The following MSRA variants were observed in gnomAD, a reference collection of about 807,000 sequenced individuals.
MSRA encodes methionine sulfoxide reductase A, also known as mitochondrial peptide methionine sulfoxide reductase.
MSRA carries 54 observed loss-of-function variants against 31.3 expected under a neutral mutation model. The ratio of observed to expected loss-of-function variants is 1.73; its 90% CI spans 1.39 to 2.17. The LOEUF (loss-of-function observed/expected upper bound fraction) is 2.17. Ranked by LOEUF, MSRA falls within the 30% of genes most tolerant of loss-of-function variation. MSRA has a pLI of 0.00. For missense variants in MSRA, 507 were observed against 300.9 expected, an observed-to-expected ratio of 1.69 and a Z score of -5.07; for synonymous variants, 169 against 116.5, an observed-to-expected ratio of 1.45 and a Z score of -2.90.
At chr8:10,105,173 C>T (rs1308618782) in intron 1 of MSRA, among the ~76,000 whole-genome samples, 1 of 152,092 alleles carries the variant, frequency 6.6e-6, no homozygotes, top group African/African-American at 2.4e-5. Context: ...TTGTTATGCT[C>T]ATCGAAGATA....
intron 1 of MSRA, among the ~76,000 whole-genome samples, chr8:10,150,521 A>G (rs920122529): frequency 3.3e-5 from 5 of 152,186 alleles, no homozygotes; most frequent in African/African-American, 1.2e-4. Context: ...CCATGTAATC[A>G]ACGGCTTACT....
chr8:10,161,873 C>T (rs982931220), intron 1 of MSRA, among the ~76,000 whole-genome samples: 1 of 152,142 alleles, frequency 6.6e-6, no homozygotes, highest in African/African-American at 2.4e-5. Context: ...CCATCTCTCC[C>T]CGCCTCTGAC....
intron 2 of MSRA, among the ~76,000 whole-genome samples, chr8:10,212,721 G>A (rs1461191051): frequency 6.6e-6 from 1 of 152,140 alleles, no homozygotes; most frequent in East Asian, 1.9e-4. Flanking sequence ...CATTACTTGA[G>A]ATATTCAGAT....
intron 1 of MSRA, among the ~76,000 whole-genome samples, chr8:10,131,523 G>A (rs1043156081): frequency 2.4e-4 from 37 of 152,220 alleles, no homozygotes; most frequent in Admixed American, 3.9e-4. Flanking sequence ...TAGCAGGTTC[G>A]TAGGTGTACA....
At position 10,392,890 on chromosome 8, in the gene MSRA, C is replaced by CAAAAAAAAA. The variant is rs869085304; in HGVS notation, c.544-35244_544-35236dup. Among the ~76,000 whole-genome samples, 5 of 113,282 alleles carry CAAAAAAAAA rather than the reference C, an allele frequency of 4.4e-5. 1 individual carries two copies. The highest frequency in any genetic ancestry group is 3.1e-4 in the South Asian group (1 of 3,204). 74.3% of individuals were successfully genotyped at this position (113,282 alleles called of 152,430 possible). A position where few individuals can be genotyped will look rare whatever the true frequency, so the allele number is the denominator to read the frequency against. On this transcript the variant is annotated intron_variant, in intron 5 of 5. Coordinates refer to ENST00000317173, the MANE Select transcript of MSRA (RefSeq NM_012331.5). Reference sequence around the variant, plus strand: ...TAAAACCCCGTCTCTACTAAAAATGCAAAAAAAAAAAAAAAAAAAAAATTA... The same window carrying CAAAAAAAAA: ...TAAAACCCCGTCTCTACTAAAAATGCAAAAAAAAAAAAAAAAAAAAAAAAAAAAAAATTA...
At chr8:10,077,895 C>G (rs1414155391) in intron 1 of MSRA, among the ~76,000 whole-genome samples, 2 of 152,062 alleles carry the variant, frequency 1.3e-5, no homozygotes, top group African/African-American at 4.8e-5. Context: ...TACGTTGTTG[C>G]TACAGTATTT....
Position 10,348,526 on chromosome 8 carries a change from T to C in MSRA, c.543+28537T>C, listed in dbSNP as rs112496008. ...CCGGGACTACAAGCGTGCGCCACCA[T>C]GCCCGGCTAATTTTTGTATTTTTAG... is the stretch of plus-strand genomic sequence containing the variant. On this transcript the variant is annotated intron_variant, in intron 5 of 5. Coordinates refer to ENST00000317173, the MANE Select transcript of MSRA (RefSeq NM_012331.5). 2.0e-4 allele frequency among the ~76,000 whole-genome samples: 31 copies of C among 151,970 alleles called. 1 individual carries two copies. The highest frequency in any genetic ancestry group is 5.6e-4 in the African/African-American group (23 of 41,418).
intron 5 of MSRA, among the ~76,000 whole-genome samples, chr8:10,410,326 G>A (rs1489002333): frequency 6.6e-6 from 1 of 152,144 alleles, no homozygotes. Context: ...CACTTGTTTG[G>A]GGGGTGCCGG....
chr8:10,363,738 C>CCACACACACACACA (rs71203319), intron 5 of MSRA, among the ~76,000 whole-genome samples: 8,458 of 103,244 alleles, frequency 0.082, 657 homozygotes, highest in Non-Finnish European at 0.1. Flanking sequence ...GATGCAGTCA[C>CCACACACACACACA]CACACACACA....
At chr8:10,401,818 A>G (rs1807483515) in intron 5 of MSRA, among the ~76,000 whole-genome samples, 2 of 152,178 alleles carry the variant, frequency 1.3e-5, no homozygotes, top group Non-Finnish European at 2.9e-5. Flanking sequence ...AAAGACAAAT[A>G]CTGTATGATT....
intron 1 of MSRA, among the ~76,000 whole-genome samples, chr8:10,100,966 C>A (rs1041074571): frequency 6.6e-6 from 1 of 152,170 alleles, no homozygotes; most frequent in Non-Finnish European, 1.5e-5. Flanking sequence ...TCATTTATAT[C>A]TCTTTTCCTA....
intron 4 of MSRA, among the ~76,000 whole-genome samples, chr8:10,314,627 A>G (rs11249986): frequency 6.6e-6 from 1 of 152,150 alleles, no homozygotes; most frequent in Non-Finnish European, 1.5e-5. Flanking sequence ...TGCAAACACT[A>G]TACAGCAACA....
At chr8:10,259,533 G>A (rs1585298345) in intron 3 of MSRA, among the ~76,000 whole-genome samples, 1 of 152,070 alleles carries the variant, frequency 6.6e-6, no homozygotes, top group Admixed American at 6.6e-5. Context: ...CTGTGGCTGG[G>A]GGTGGGATTC....
At chr8:10,381,900 C>A (rs1009675995) in intron 5 of MSRA, among the ~76,000 whole-genome samples, 1 of 152,212 alleles carries the variant, frequency 6.6e-6, no homozygotes, top group Non-Finnish European at 1.5e-5. Flanking sequence ...GCACCTGCCA[C>A]TCTTGGGACC....
At chr8:10,188,854 G>A (rs369725196) in intron 1 of MSRA, among the ~76,000 whole-genome samples, 1 of 152,124 alleles carries the variant, frequency 6.6e-6, no homozygotes, top group Non-Finnish European at 1.5e-5. Flanking sequence ...GCTATTTTAG[G>A]TATTTTAATT....
chr8:10,320,675 A>G (rs1393088815), intron 5 of MSRA, among the ~76,000 whole-genome samples: 3 of 152,100 alleles, frequency 2.0e-5, no homozygotes, highest in South Asian at 2.1e-4. Flanking sequence ...AACAGCAGAT[A>G]TTTATTTTCT....
At chr8:10,120,284 C>G (rs551011142) in intron 1 of MSRA, among the ~76,000 whole-genome samples, 1 of 152,302 alleles carries the variant, frequency 6.6e-6, no homozygotes, top group South Asian at 2.1e-4. Flanking sequence ...TGGAAACAAT[C>G]ACTTTGTGAT....
At chr8:10,342,206 C>T (rs1803472383) in intron 5 of MSRA, among the ~76,000 whole-genome samples, 2 of 152,176 alleles carry the variant, frequency 1.3e-5, no homozygotes, top group Non-Finnish European at 2.9e-5. Context: ...CAAGCATGGC[C>T]TTGAGCAGCA....
In MSRA at chr8:10,123,569, C is replaced by G. The variant is rs997509499; in HGVS notation, c.142+68911C>G. ...TTTCTTTTGTTGCAATTGCTTTTGG[C>G]ATCTTCATTATGAAATCTTTGCCCA... On this transcript the variant is annotated intron_variant, in intron 1 of 5. Coordinates refer to ENST00000317173, the MANE Select transcript of MSRA (RefSeq NM_012331.5). 4.6e-5 allele frequency among the ~76,000 whole-genome samples: 7 copies of G among 152,086 alleles called. No individual in the cohort carries two copies. The South Asian group carries it at 8.3e-4, about 18-fold the overall frequency.
Sources: allele counts gnomAD v4.1 joint callset (sites outside exome capture counted in the v4.1 genomes callset), GRCh38; gene constraint gnomAD v4.1.1; transcripts MANE v1.5; gene names NCBI Gene and HGNC (gene_info 2026-07-23, HGNC 2026-07-21).